MACROD2: variants seen among roughly 807,000 people sequenced by gnomAD.
MACROD2 encodes ADP-ribose glycohydrolase MACROD2.
In MACROD2, 36 loss-of-function variants were observed where a neutral mutation model predicts 70.4. The observed-to-expected ratio is 0.51, with a 90% CI of 0.39 to 0.68. The LOEUF (loss-of-function observed/expected upper bound fraction) is 0.68. Among genes scored for constraint, MACROD2 ranks in the 30% least tolerant of loss-of-function variants. MACROD2 has a pLI of 0.00. For missense variants in MACROD2, 496 were observed against 538.4 expected (o/e 0.92, Z 0.78); for synonymous variants, 172 against 178.8 (o/e 0.96, Z 0.30).
chr20:14,520,710 T>C (rs1022318483), intron 4 of MACROD2, among the ~76,000 whole-genome samples: 1 of 152,182 alleles, frequency 6.6e-6, no homozygotes, highest in African/African-American at 2.4e-5. Context: ...CTTCCCCAGG[T>C]AGAGCTGACT....
At chr20:14,068,519 C>T (rs1300539758) in intron 2 of MACROD2, among the ~76,000 whole-genome samples, 1 of 152,098 alleles carries the variant, frequency 6.6e-6, no homozygotes, top group Non-Finnish European at 1.5e-5. Context: ...TGATAAATGT[C>T]ATGAGGATGA....
At chr20:14,202,045 A>G (rs2081484068) in intron 3 of MACROD2, among the ~76,000 whole-genome samples, 2 of 152,138 alleles carry the variant, frequency 1.3e-5, no homozygotes, top group South Asian at 2.1e-4. Flanking sequence ...TGTAACTACT[A>G]TTTCCAAGAT....
chr20:14,196,421 A>G (rs1294221509), intron 3 of MACROD2, among the ~76,000 whole-genome samples: 2 of 152,198 alleles, frequency 1.3e-5, no homozygotes, highest in Non-Finnish European at 2.9e-5. Context: ...AGGTATTTAT[A>G]TGGCCAGAAT....
chr20:15,799,070 AG>A (rs2063700704), intron 8 of MACROD2, among the ~76,000 whole-genome samples: 1 of 152,238 alleles, frequency 6.6e-6, no homozygotes, highest in Admixed American at 6.5e-5. Flanking sequence ...GCCAAGTTCA[AG>A]GCACCAACTC....
chr20:15,757,313 T>G (rs913795522), intron 8 of MACROD2, among the ~76,000 whole-genome samples: 4 of 152,280 alleles, frequency 2.6e-5, no homozygotes, highest in Admixed American at 1.3e-4. Context: ...AGTAAATCAG[T>G]TAAATTCACT....
chr20:14,506,821 C>T (rs923205533), intron 4 of MACROD2, among the ~76,000 whole-genome samples: 4 of 152,014 alleles, frequency 2.6e-5, no homozygotes, highest in Admixed American at 6.6e-5. Flanking sequence ...CGTGGTGGCA[C>T]GTGCCTGCAG....
At chr20:14,072,026 ACAAG>A (rs1451574537) in intron 2 of MACROD2, among the ~76,000 whole-genome samples, 3 of 152,256 alleles carry the variant, frequency 2.0e-5, no homozygotes, top group Admixed American at 6.5e-5. Context: ...TTTTGTATAA[ACAAG>A]CAAAGAAGAA....
chr20:14,807,911 A>G (rs762524177), intron 5 of MACROD2, among the ~76,000 whole-genome samples: 1 of 152,156 alleles, frequency 6.6e-6, no homozygotes, highest in African/African-American at 2.4e-5. Context: ...ATGAGAAAAA[A>G]TGAACAAATC....
chr20:15,210,821 C>T (rs1007632872), intron 5 of MACROD2, among the ~76,000 whole-genome samples: 5 of 152,178 alleles, frequency 3.3e-5, no homozygotes, highest in African/African-American at 1.2e-4. Context: ...TCCCCTTAGC[C>T]TTCCACTATG....
intron 5 of MACROD2, among the ~76,000 whole-genome samples, chr20:14,841,673 C>T (rs1286003728): frequency 6.6e-6 from 1 of 152,058 alleles, no homozygotes; most frequent in Non-Finnish European, 1.5e-5. Context: ...AAGGCAGTTA[C>T]TGCAAAACAA....
intron 4 of MACROD2, among the ~76,000 whole-genome samples, chr20:14,637,273 T>C (rs989365928): frequency 6.6e-6 from 1 of 152,138 alleles, no homozygotes; most frequent in African/African-American, 2.4e-5. Flanking sequence ...GTCTCCAGCT[T>C]TAAGAAGAAG....
chr20:15,668,504 C>T (rs572918125), intron 8 of MACROD2, among the ~76,000 whole-genome samples: 30 of 150,974 alleles, frequency 2.0e-4, no homozygotes, highest in African/African-American at 5.6e-4. Context: ...GGAGGCGGAG[C>T]TTGCAGTGAG....
intron 5 of MACROD2, among the ~76,000 whole-genome samples, chr20:15,002,864 G>A (rs933409563): frequency 3.3e-5 from 5 of 152,108 alleles, no homozygotes; most frequent in African/African-American, 1.2e-4. Flanking sequence ...TTTTTCAAGA[G>A]AAACATGGAA....
chr20:15,367,353 A>G (rs1320955495), intron 6 of MACROD2, among the ~76,000 whole-genome samples: 1 of 152,126 alleles, frequency 6.6e-6, no homozygotes, highest in Non-Finnish European at 1.5e-5. Flanking sequence ...TATCAGAAAT[A>G]GTTTCTACTC....
intron 4 of MACROD2, among the ~76,000 whole-genome samples, chr20:14,658,676 C>T (rs1986087705): frequency 6.6e-6 from 1 of 152,186 alleles, no homozygotes; most frequent in South Asian, 2.1e-4. Flanking sequence ...TGCAGTGGCA[C>T]AATCTCGGCC....
At chr20:15,811,439 C>T (rs1052403024) in intron 8 of MACROD2, among the ~76,000 whole-genome samples, 1 of 152,202 alleles carries the variant, frequency 6.6e-6, no homozygotes, top group Non-Finnish European at 1.5e-5. Flanking sequence ...CAGGAAACAA[C>T]AGGTGCTGGC....
At chr20:14,288,915 A>G (rs2082364649) in intron 3 of MACROD2, among the ~76,000 whole-genome samples, 1 of 152,110 alleles carries the variant, frequency 6.6e-6, no homozygotes, top group South Asian at 2.1e-4. Context: ...ATTCTGTCCT[A>G]AGGAGAAACA....
intron 8 of MACROD2, among the ~76,000 whole-genome samples, chr20:15,824,239 GTCTCTC>G (rs139724335): frequency 4.0e-5 from 6 of 149,624 alleles, no homozygotes; most frequent in Non-Finnish European, 7.4e-5. Context: ...TATCTTAAGT[GTCTCTC>G]TCTCTCTCTC....
intron 2 of MACROD2, among the ~76,000 whole-genome samples, chr20:14,068,414 T>C (rs2148659602): frequency 6.6e-6 from 1 of 152,196 alleles, no homozygotes; most frequent in Non-Finnish European, 1.5e-5. Context: ...TGCTAAGTAA[T>C]ACAGGAAACA....
Sources: gnomAD v4.1 joint callset for allele counts (sites outside exome capture counted in the v4.1 genomes callset) on GRCh38, gnomAD v4.1.1 for gene constraint, MANE v1.5 for transcripts, NCBI Gene and HGNC (gene_info 2026-07-23, HGNC 2026-07-21) for gene names.